The following PLCH2 variants were observed in gnomAD, a reference collection of about 807,000 sequenced individuals.
PLCH2 encodes the protein 1-phosphatidylinositol 4,5-bisphosphate phosphodiesterase eta-2.
Under a neutral mutation model 134.7 loss-of-function variants are expected in PLCH2, and 98 were observed. The observed-to-expected ratio is 0.73, with a 90% CI of 0.62 to 0.86. The LOEUF (loss-of-function observed/expected upper bound fraction) is 0.86, where lower values mean the gene tolerates loss of function less well. Ranked by LOEUF, PLCH2 falls within the 40% of genes least tolerant of loss-of-function variation. The probability of loss-of-function intolerance (pLI) is 0.00; values close to 1 mark genes in which losing one functional copy is unlikely to be tolerated. For missense variants in PLCH2, 1,994 were observed against 1,986.6 expected, an observed-to-expected ratio of 1.00 and a Z score of -0.07; for synonymous variants, 974 against 827.5, an observed-to-expected ratio of 1.18 and a Z score of -3.04.
intron 3 of PLCH2, 40 bp downstream of exon 3, chr1:2,480,017 C>G (rs1460646452): frequency 6.3e-7 from 1 of 1,590,038 alleles, no homozygotes. Context: ...GACCCAGGGA[C>G]CGGCCCCTTG....
upstream of PLCH2, among the ~76,000 whole-genome samples, chr1:2,474,132 C>T (rs1177244038): frequency 6.6e-6 from 1 of 151,866 alleles, no homozygotes; most frequent in Non-Finnish European, 1.5e-5. Context: ...GCTGGGCTCG[C>T]CTGCCGGCAT....
At chr1:2,419,136 C>T in the PLCH2 span, among the ~76,000 whole-genome samples, 3 of 152,192 alleles carry the variant, frequency 2.0e-5, no homozygotes, top group Non-Finnish European at 2.9e-5. Flanking sequence ...CCCTTCCCTG[C>T]GTGGGGCCCG....
chr1:2,478,481 C>T lies in PLCH2; in HGVS notation c.130C>T (p.Arg44Trp), dbSNP rs749084084. The change falls in exon 2 of 22, where the codon CGG becomes TGG. Residue 44 changes from arginine to tryptophan, a missense_variant. Physicochemically the swap from Arg to Trp is moderately radical, Grantham distance 101. This residue lies in a region of PLCH2 where 1,094 missense variants were observed against 1,234.3 expected (regional missense o/e 0.89). Transcript: ENST00000378486. The part of the protein sequence containing the change: ...SEWQLGPLVE[R>W]CMGAMQEGMQ... The stretch of plus-strand genomic sequence containing the variant: ...CGTGTCTCTCCCGTGTCCAGTGGAG[C>T]GGTGCATGGGTGCCATGCAAGAGGG... The T allele has an allele frequency of 4.7e-5, 76 of 1,612,396 alleles. No individual in the cohort carries two copies. The highest frequency in any genetic ancestry group is 1.6e-4 in the Middle Eastern group (1 of 6,072).
intron 20 of PLCH2, chr1:2,500,560 G>A (rs1430919606): frequency 2.0e-5 from 3 of 152,326 alleles, no homozygotes; most frequent in Non-Finnish European, 4.4e-5. Context: ...TAGGAGCCTT[G>A]AAGGTACCCG....
chr1:2,438,985 C>T (rs1639564380), intron 2 of PLCH2, among the ~76,000 whole-genome samples: 1 of 152,244 alleles, frequency 6.6e-6, no homozygotes, highest in African/African-American at 2.4e-5. Context: ...CAGCTCTGGC[C>T]ACATGGGTGG....
At chr1:2,440,244 G>A (rs376474768) in intron 2 of PLCH2, among the ~76,000 whole-genome samples, 23 of 152,232 alleles carry the variant, frequency 1.5e-4, no homozygotes, top group African/African-American at 5.3e-4. Context: ...ATCTGGGAGC[G>A]CCCGGGAAGG....
intron 2 of PLCH2, among the ~76,000 whole-genome samples, chr1:2,459,503 TCCTGGTGG>T (rs1557969851): frequency 1.4e-4 from 12 of 83,284 alleles, no homozygotes; most frequent in African/African-American, 3.7e-4. Flanking sequence ...TGGTCCTCCT[TCCTGGTGG>T]TCCTCCTTCC....
intron 21 of PLCH2, chr1:2,503,076 G>A: frequency 1.4e-6 from 1 of 703,636 alleles, no homozygotes; most frequent in Non-Finnish European, 2.6e-6. Context: ...TGGCTTGCCT[G>A]TGGCCCATAG....
chr1:2,503,571 C>T lies in PLCH2; in HGVS notation c.2960-351C>T, dbSNP rs1184390897. 3 of 683,924 alleles carry T rather than the reference C, an allele frequency of 4.4e-6. No homozygotes were observed. In the East Asian group the frequency reaches 8.2e-5, roughly 19 times the overall value. The allele number at this position is 683,924 out of a possible 1,614,324, so 42.4% of individuals were successfully genotyped here. The stretch of plus-strand genomic sequence containing the variant: ...ACACCACCCTGCCCCTCCAGACCCC[C>T]CTGACCAAGCTTTCCTTTCTGCCCC... On this transcript the variant is annotated intron_variant, in intron 21 of 21. Coordinates refer to ENST00000378486, the MANE Select transcript of PLCH2 (RefSeq NM_014638.4).
At chr1:2,438,887 G>A (rs761989778) in intron 2 of PLCH2, among the ~76,000 whole-genome samples, 3 of 152,148 alleles carry the variant, frequency 2.0e-5, no homozygotes, top group East Asian at 1.9e-4. Context: ...GGGGGGAACC[G>A]GGGCAATTCA....
rs1639421686 is a variant in PLCH2 at position 2,436,535 on chromosome 1, TC to T, written c.115+5908del. ...CCTTCCTCCCTCCTCCTTTCCTCCTTCCTCCCTCCTCCCTTCCTCCCTCCAC... is the reference window on the plus strand; with the variant it reads ...CCTTCCTCCCTCCTCCTTTCCTCCTTCTCCCTCCTCCCTTCCTCCCTCCAC... On this transcript the variant is annotated intron_variant, in intron 2 of 3. Coordinates refer to the PLCH2 transcript ENST00000609981. Among the ~76,000 whole-genome samples, 13 of 60,108 alleles carry T rather than the reference TC, an allele frequency of 2.2e-4. 4 individuals carry two copies. The highest frequency in any genetic ancestry group is 7.0e-4 in the African/African-American group (6 of 8,578). The allele number at this position is 60,108 out of a possible 152,430, so 39.4% of individuals were successfully genotyped here. A position where few individuals can be genotyped will look rare whatever the true frequency, so the allele number is the denominator to read the frequency against.
In PLCH2 at chr1:2,429,013, C is replaced by T. The variant is rs182730288; in HGVS notation, c.-177-1325C>T. Among the ~76,000 whole-genome samples, 34 of 151,992 alleles carry T rather than the reference C, an allele frequency of 2.2e-4. No homozygotes were observed. In the East Asian group the frequency reaches 3.3e-3, roughly 15 times the overall value. ...CTGGGGCCAGGGCTGCCAGAGGTGCCGGGCCAGCCAAGTCTAGGTCTGTGC... is the reference window on the plus strand; with the variant it reads ...CTGGGGCCAGGGCTGCCAGAGGTGCTGGGCCAGCCAAGTCTAGGTCTGTGC... On this transcript the variant is annotated intron_variant, in intron 1 of 3. Coordinates refer to the PLCH2 transcript ENST00000609981.
upstream of PLCH2, among the ~76,000 whole-genome samples, chr1:2,475,421 C>T (rs1641561427): frequency 1.3e-5 from 2 of 152,228 alleles, no homozygotes; most frequent in Non-Finnish European, 2.9e-5. Context: ...TGGTGTTCAG[C>T]CGGGGTCTGC....
At chr1:2,421,129 G>A (rs551159501), upstream of PLCH2, among the ~76,000 whole-genome samples, 1 of 152,246 alleles carries the variant, frequency 6.6e-6, no homozygotes, top group South Asian at 2.1e-4. Flanking sequence ...ATTTTTAGTA[G>A]AGACGGAATT....
chr1:2,470,846 C>T (rs1256536778), intron 1 of PLCH2, among the ~76,000 whole-genome samples: 2 of 152,188 alleles, frequency 1.3e-5, no homozygotes, highest in African/African-American at 2.4e-5. Context: ...ACGAGCCTGG[C>T]TCCCTCTGCA....
At chr1:2,465,430 T>C (rs1376187834), upstream of PLCH2, among the ~76,000 whole-genome samples, 1 of 152,122 alleles carries the variant, frequency 6.6e-6, no homozygotes, top group East Asian at 1.9e-4. Context: ...TGCCGGCCCA[T>C]GGGCAGGGGC....
chr1:2,450,780 T>G (rs1640186875), intron 2 of PLCH2, among the ~76,000 whole-genome samples: 2 of 122,026 alleles, frequency 1.6e-5, no homozygotes, highest in African/African-American at 3.2e-5. Flanking sequence ...TCCAGACCCT[T>G]GGACCAGGCG....
At chr1:2,462,344 C>T (rs1640860382) in intron 2 of PLCH2, among the ~76,000 whole-genome samples, 1 of 137,650 alleles carries the variant, frequency 7.3e-6, no homozygotes, top group South Asian at 2.6e-4. Context: ...GCCTGACACC[C>T]CCTCTGCCTG....
chr1:2,475,243 G>T (rs1641550998), upstream of PLCH2, among the ~76,000 whole-genome samples: 1 of 152,200 alleles, frequency 6.6e-6, no homozygotes, highest in Admixed American at 6.5e-5. Context: ...CCTGTCCTGG[G>T]CTCTGCAGGC....
Sources: allele counts gnomAD v4.1 joint callset (sites outside exome capture counted in the v4.1 genomes callset), GRCh38; gene constraint gnomAD v4.1.1; regional missense constraint gnomAD v4.1.1; transcripts MANE v1.5; gene names NCBI Gene and HGNC (gene_info 2026-07-23, HGNC 2026-07-21).